CEBPZOS: variants seen among roughly 807,000 people sequenced by gnomAD.
The protein encoded by CEBPZOS is CEBPZ opposite strand, also known as protein CEBPZOS.
Under a neutral mutation model 4.8 loss-of-function variants are expected in CEBPZOS, and 10 were observed. The ratio of observed to expected loss-of-function variants is 2.07; its 90% CI spans 1.28 to 3.52. The LOEUF is 3.52. Among genes scored for constraint, CEBPZOS ranks in the 30% most tolerant of loss-of-function variants. The pLI, the probability that CEBPZOS is intolerant of heterozygous loss-of-function variation, is 0.00. For synonymous variants in CEBPZOS, 25 were observed against 14.2 expected (o/e 1.77, Z -1.72); for missense variants, 98 against 43.6 (o/e 2.25, Z -3.51).
intron 1 of CEBPZOS, 74 bp downstream of exon 1, chr2:37,196,594 C>T (rs895387284): frequency 6.6e-6 from 1 of 152,402 alleles, no homozygotes; most frequent in Non-Finnish European, 1.5e-5. Flanking sequence ...GTGGGGCGGT[C>T]TTCTGCGTGG....
chr2:37,213,986 G>A (rs1402766109), downstream of CEBPZOS: 4 of 1,303,628 alleles, frequency 3.1e-6, no homozygotes, highest in African/African-American at 4.7e-5. Flanking sequence ...TTATATATTT[G>A]ACAATTTTAT....
chr2:37,208,730 AACAAG>A (rs1171081256), downstream of CEBPZOS: 1 of 152,166 alleles, frequency 6.6e-6, no homozygotes, highest in African/African-American at 2.4e-5. Context: ...TGAGAACTGG[AACAAG>A]ACAAGGATGC....
rs1677362072 is a variant in CEBPZOS, at chr2:37,203,125, C to T, written c.*1265C>T. The T allele has an allele frequency of 1.6e-6, 1 of 617,416 alleles. No homozygotes were observed. Among genetic ancestry groups the T allele is most frequent in the Non-Finnish European group, 2.7e-6 (1 of 375,452 alleles). The allele number at this position is 617,416 out of a possible 1,614,324, so 38.2% of individuals were successfully genotyped here. On this transcript the variant is annotated 3_prime_UTR_variant, in exon 5 of 5. Transcript: ENST00000402297. ...CTTGGGTAAAAACAATTGCAATAATCTTCTGGCACCATTGGGTAGCTGGCA... is the reference window on the plus strand; with the variant it reads ...CTTGGGTAAAAACAATTGCAATAATTTTCTGGCACCATTGGGTAGCTGGCA...
intron 4 of CEBPZOS, chr2:37,212,307 T>C (rs371234033): frequency 1.7e-5 from 27 of 1,597,110 alleles, no homozygotes; most frequent in African/African-American, 1.5e-4. Context: ...GCTAGAAAAA[T>C]AGGAAGGAGA....
rs185567209 is a variant in CEBPZOS, at chr2:37,201,249, A to G, written c.160+157A>G. ...TTCTCATCTATTCTAGTGAGAGGAG[A>G]ATTAGGTAATGGGCTGGATTCTGAA... On this transcript the variant is annotated intron_variant, in intron 3 of 4. Coordinates refer to ENST00000402297, the MANE Select transcript of CEBPZOS (RefSeq NM_001322374.2). 9 of 582,778 alleles carry G rather than the reference A, an allele frequency of 1.5e-5. No individual in the cohort carries two copies. The Admixed American group carries it at 1.6e-4, about 10-fold the overall frequency. 36.1% of individuals were successfully genotyped at this position (582,778 alleles called of 1,614,324 possible).
downstream of CEBPZOS, chr2:37,216,169 T>G: frequency 1.2e-6 from 2 of 1,613,150 alleles, no homozygotes; most frequent in Non-Finnish European, 1.7e-6. Context: ...CTTAATAAAA[T>G]GTTTTCTTTT....
Position 37,202,817 on chromosome 2 carries a change from C to T in CEBPZOS, c.*957C>T. ...TCTTTGTTAGCCATGGCATTCATGC[C>T]AATGTTATCAAACTTGGATCCCATA... is the stretch of plus-strand genomic sequence containing the variant. On this transcript the variant is annotated 3_prime_UTR_variant, in exon 5 of 5. Coordinates refer to ENST00000402297, the MANE Select transcript of CEBPZOS (RefSeq NM_001322374.2). 1 of 1,597,940 alleles carries T rather than the reference C, an allele frequency of 6.3e-7. No individual in the cohort carries two copies. Among genetic ancestry groups the T allele is most frequent in the Middle Eastern group, 1.8e-4 (1 of 5,612 alleles).
chr2:37,211,251 ACT>A, intron 4 of CEBPZOS: 4 of 441,902 alleles, frequency 9.1e-6, no homozygotes, highest in Non-Finnish European at 8.0e-6. Flanking sequence ...TGAGAAAAAG[ACT>A]CTAAGAATTG....
chr2:37,196,703 C>T (rs374264373), intron 1 of CEBPZOS, 183 bp downstream of exon 1: 25 of 152,692 alleles, frequency 1.6e-4, no homozygotes, highest in African/African-American at 6.0e-4. Context: ...CGGCCGTGGT[C>T]TGGCGGCCGG....
At chr2:37,213,414 CTTTTG>C (rs1209332185) in intron 4 of CEBPZOS, 3 of 152,562 alleles carry the variant, frequency 2.0e-5, no homozygotes, top group Admixed American at 6.5e-5. Context: ...ATATTTGTTT[CTTTTG>C]TTTTTTTTTT....
chr2:37,211,731 T>C, intron 4 of CEBPZOS: 1 of 717,324 alleles, frequency 1.4e-6, no homozygotes, highest in Middle Eastern at 3.3e-4. Context: ...CTGGCTGACA[T>C]GAGTATTAAT....
chr2:37,201,248 G>GAT lies in CEBPZOS; in HGVS notation c.160+157_160+158insTA, dbSNP rs1210383577. 3 of 582,292 alleles carry GAT rather than the reference G, an allele frequency of 5.2e-6. No individual in the cohort carries two copies. In the African/African-American group the frequency reaches 5.7e-5, roughly 11 times the overall value. The allele number at this position is 582,292 out of a possible 1,614,324, so 36.1% of individuals were successfully genotyped here. ...ATTCTCATCTATTCTAGTGAGAGGA[G>GAT]AATTAGGTAATGGGCTGGATTCTGA... On this transcript the variant is annotated intron_variant, in intron 3 of 4. Transcript: ENST00000402297.
chr2:37,209,220 A>T (rs1258725561), downstream of CEBPZOS: 1 of 152,156 alleles, frequency 6.6e-6, no homozygotes, highest in Admixed American at 6.6e-5. Flanking sequence ...CCATACTGCC[A>T]AAAGCAATCT....
At chr2:37,213,759 G>A, downstream of CEBPZOS, 2 of 724,464 alleles carry the variant, frequency 2.8e-6, no homozygotes, top group African/African-American at 1.9e-5. Context: ...GATATTCTTA[G>A]CTAAGTGATT....
At position 37,204,469 on chromosome 2, in the gene CEBPZOS, G is replaced by C. The variant is rs976810663; in HGVS notation, c.*2609G>C. 6 of 145,158 alleles carry C rather than the reference G, an allele frequency of 4.1e-5. No individual in the cohort carries two copies. Among genetic ancestry groups the C allele is most frequent in the African/African-American group, 1.5e-4 (6 of 39,988 alleles). 9.0% of individuals were successfully genotyped at this position (145,158 alleles called of 1,614,324 possible). A position where few individuals can be genotyped will look rare whatever the true frequency, so the allele number is the denominator to read the frequency against. ...ATTTTTGTATTTTTAGTAGAGATGG[G>C]GTTTCATCATGTTGGCCAGGATGGT... On this transcript the variant is annotated 3_prime_UTR_variant, in exon 5 of 5. Coordinates refer to ENST00000402297, the MANE Select transcript of CEBPZOS (RefSeq NM_001322374.2).
At position 37,204,360 on chromosome 2, in the gene CEBPZOS, C is replaced by CTCTGCCT. The variant is rs140401952; in HGVS notation, c.*2505_*2511dup. The CTCTGCCT allele has an allele frequency of 0.13, 19,831 of 150,962 alleles. 1,454 individuals carry two copies. Among genetic ancestry groups the CTCTGCCT allele is most frequent in the South Asian group, 0.26 (1,222 of 4,732 alleles). The allele number at this position is 150,962 out of a possible 1,614,324, so 9.4% of individuals were successfully genotyped here. On this transcript the variant is annotated 3_prime_UTR_variant, in exon 5 of 5. Transcript: ENST00000402297. ...GGGCGTGATCTCGGCTCACTGCAAC[C>CTCTGCCT]TCTGCCTTCTGGGTTCAAGCGATTC...
downstream of CEBPZOS, chr2:37,213,975 G>A (rs1677804693): frequency 1.5e-6 from 2 of 1,372,986 alleles, no homozygotes; most frequent in South Asian, 1.4e-5. Context: ...TAATATTCAT[G>A]TTATATATTT....
downstream of CEBPZOS, among the ~76,000 whole-genome samples, chr2:37,208,546 T>C (rs535539368): frequency 3.3e-5 from 5 of 152,244 alleles, no homozygotes; most frequent in African/African-American, 1.2e-4. Flanking sequence ...AAAAATCATA[T>C]GATCATCTCA....
At chr2:37,205,329 G>C (rs1677499635), downstream of CEBPZOS, among the ~76,000 whole-genome samples, 1 of 152,066 alleles carries the variant, frequency 6.6e-6, no homozygotes, top group Non-Finnish European at 1.5e-5. Context: ...CACCACAAAA[G>C]AAGTGAAAAT....
Sources: gnomAD v4.1 joint callset for allele counts (sites outside exome capture counted in the v4.1 genomes callset) on GRCh38, gnomAD v4.1.1 for gene constraint, MANE v1.5 for transcripts, NCBI Gene and HGNC (gene_info 2026-07-23, HGNC 2026-07-21) for gene names.